Variants in POU2F1 observed in about 807,000 individuals in gnomAD.
POU2F1 encodes the protein POU class 2 homeobox 1.
Under a neutral mutation model 84.9 loss-of-function variants are expected in POU2F1, and 16 were observed. The ratio of observed to expected loss-of-function variants is 0.19; its 90% CI spans 0.13 to 0.29. The LOEUF (loss-of-function observed/expected upper bound fraction) is 0.29. POU2F1 is among the 10% of genes least tolerant of loss of function. The probability of loss-of-function intolerance (pLI) is 1.00; values close to 1 mark genes in which losing one functional copy is unlikely to be tolerated. For synonymous variants in POU2F1, 368 were observed against 368.3 expected (o/e 1.00, Z 0.01); for missense variants, 738 against 942.6 (o/e 0.78, Z 2.84).
At chr1:167,312,480 T>C (rs1655566205) in intron 1 of POU2F1, among the ~76,000 whole-genome samples, 1 of 152,142 alleles carries the variant, frequency 6.6e-6, no homozygotes, top group African/African-American at 2.4e-5. Flanking sequence ...TCTGCCTGCC[T>C]CAGCTTCCCA....
In POU2F1 at chr1:167,267,630, C is replaced by CTTTTTTTTTTT. The variant is rs71073658; in HGVS notation, c.61+46687_61+46697dup. On this transcript the variant is annotated intron_variant, in intron 1 of 15. Coordinates refer to ENST00000367866, the MANE Select transcript of POU2F1 (RefSeq NM_002697.4). ...TGTGAAAGTATCACAGTTACTGTGT[C>CTTTTTTTTTTT]TTTTTTTTTTTTTTTTTTTTTTTTT... is the stretch of plus-strand genomic sequence containing the variant. Among the ~76,000 whole-genome samples the CTTTTTTTTTTT allele has an allele frequency of 4.4e-4, 31 of 70,484 alleles. 4 individuals are homozygous for CTTTTTTTTTTT. Among genetic ancestry groups the CTTTTTTTTTTT allele is most frequent in the African/African-American group, 1.0e-3 (19 of 18,362 alleles). 46.2% of individuals were successfully genotyped at this position (70,484 alleles called of 152,430 possible). A position where few individuals can be genotyped will look rare whatever the true frequency, so the allele number is the denominator to read the frequency against.
intron 13 of POU2F1, among the ~76,000 whole-genome samples, chr1:167,403,550 A>G (rs1195569250): frequency 3.3e-5 from 5 of 152,174 alleles, no homozygotes; most frequent in African/African-American, 1.2e-4. Flanking sequence ...TTTCTTGTAC[A>G]GCCTCTTTTC....
chr1:167,396,323 A>G lies in POU2F1; in HGVS notation c.1025A>G (p.Asn342Ser), dbSNP rs751031108. 1.9e-6 allele frequency: 3 copies of G among 1,614,134 alleles called. No homozygotes were observed. Among genetic ancestry groups the G allele is most frequent in the South Asian group, 1.1e-5 (1 of 91,084 alleles). ...CTCGCTATGGGGAAACTATATGGAA[A>G]TGACTTCAGCCAAACTACCATCTCT... Reference protein sequence around the residue: ...VGLAMGKLYGNDFSQTTISRF... With the variant: ...VGLAMGKLYGSDFSQTTISRF... The change falls in exon 10 of 16, where the codon AAT becomes AGT. Residue 342 changes from asparagine (N) to serine (S), a missense_variant. Asn to Ser is a conservative substitution (Grantham distance 46). Transcript: ENST00000367866.
At chr1:167,238,976 T>C (rs1383449000) in intron 1 of POU2F1, among the ~76,000 whole-genome samples, 1 of 152,164 alleles carries the variant, frequency 6.6e-6, no homozygotes, top group Non-Finnish European at 1.5e-5. Context: ...AGGCTCCCCT[T>C]TCCTATTCTG....
chr1:167,396,017 A>G (rs1054630566), intron 9 of POU2F1, among the ~76,000 whole-genome samples: 1 of 152,236 alleles, frequency 6.6e-6, no homozygotes, highest in Non-Finnish European at 1.5e-5. Context: ...TGGTATCTCC[A>G]TGATTACATA....
At chr1:167,254,526 C>G (rs1268882843) in intron 1 of POU2F1, among the ~76,000 whole-genome samples, 2 of 152,156 alleles carry the variant, frequency 1.3e-5, no homozygotes, top group African/African-American at 4.8e-5. Context: ...TATCTTAATT[C>G]TTACTGCATA....
rs746617630 is a variant in POU2F1, at chr1:167,280,205, AC to A, written c.62-52264del. Among the ~76,000 whole-genome samples the A allele has an allele frequency of 7.0e-3, 1,063 of 151,178 alleles. 6 individuals are homozygous for A. Among genetic ancestry groups the A allele is most frequent in the Middle Eastern group, 0.014 (4 of 292 alleles). On this transcript the variant is annotated intron_variant, in intron 1 of 15. Coordinates refer to ENST00000367866, the MANE Select transcript of POU2F1 (RefSeq NM_002697.4). ...TCTGTCTCGGGGAAAAAAAAAAAAA[AC>A]TTATTGTAAATGTGTGATATCAGAA... is the stretch of plus-strand genomic sequence containing the variant.
At chr1:167,390,300 G>T (rs1648305555) in intron 9 of POU2F1, among the ~76,000 whole-genome samples, 1 of 152,134 alleles carries the variant, frequency 6.6e-6, no homozygotes, top group Non-Finnish European at 1.5e-5. Context: ...ATTTCTTTCA[G>T]AACACAGGCC....
At chr1:167,377,070 A>G (rs73024284) in intron 7 of POU2F1, among the ~76,000 whole-genome samples, 2,145 of 152,306 alleles carry the variant, frequency 0.014, 51 homozygotes, top group African/African-American at 0.048. Context: ...AATGAACAGC[A>G]TTTGCAAACC....
intron 2 of POU2F1, among the ~76,000 whole-genome samples, chr1:167,363,583 AAAT>A (rs1659480603): frequency 1.3e-5 from 2 of 152,214 alleles, no homozygotes; most frequent in Non-Finnish European, 2.9e-5. Flanking sequence ...TTGTGGAAAA[AAAT>A]AAAAAATAAA....
chr1:167,342,747 T>C (rs1300292121), intron 2 of POU2F1, among the ~76,000 whole-genome samples: 1 of 152,230 alleles, frequency 6.6e-6, no homozygotes, highest in Non-Finnish European at 1.5e-5. Context: ...GAACTTACGT[T>C]TATCCAGAGG....
Position 167,229,953 on chromosome 1 carries a change from T to A in POU2F1, c.61+8995T>A, listed in dbSNP as rs78222497. The stretch of plus-strand genomic sequence containing the variant: ...CCTATGCATTATTATCTTTACTACT[T>A]CCTTAAATAGCATGACTCAACAATT... On this transcript the variant is annotated intron_variant, in intron 1 of 15. Coordinates refer to ENST00000367866, the MANE Select transcript of POU2F1 (RefSeq NM_002697.4). Among the ~76,000 whole-genome samples, 795 of 152,304 alleles carry A rather than the reference T, an allele frequency of 5.2e-3. 10 individuals are homozygous for A. The highest frequency in any genetic ancestry group is 0.018 in the African/African-American group (731 of 41,556).
At chr1:167,336,943 A>T (rs1451354615) in intron 2 of POU2F1, among the ~76,000 whole-genome samples, 1 of 152,134 alleles carries the variant, frequency 6.6e-6, no homozygotes, top group Non-Finnish European at 1.5e-5. Context: ...AGGTGGGCGG[A>T]TCACCTGAGG....
chr1:167,370,407 A>G (rs1161053113), intron 4 of POU2F1, among the ~76,000 whole-genome samples, 193 bp downstream of exon 4: 1 of 152,204 alleles, frequency 6.6e-6, no homozygotes, highest in Admixed American at 6.5e-5. Context: ...GCTACTGTGC[A>G]TGAACCAAAA....
At chr1:167,375,978 C>T (rs778063485) in intron 6 of POU2F1, 51 bp from the exon 7 acceptor site, 34 of 1,604,836 alleles carry the variant, frequency 2.1e-5, no homozygotes, top group Non-Finnish European at 2.8e-5. Flanking sequence ...TATAATTAAG[C>T]GAACTTTTAT....
At position 167,412,253 on chromosome 1, in the gene POU2F1, C is replaced by G; in HGVS notation, c.1850C>G (p.Ala617Gly). 1.3e-6 allele frequency: 2 copies of G among 1,589,516 alleles called. No homozygotes were observed. Among genetic ancestry groups the G allele is most frequent in the South Asian group, 2.3e-5 (2 of 88,024 alleles). Reference sequence around the variant, plus strand: ...AATGCCAGTCTTGCTGCCATGGCAGCTGCTGCAGGACTAAACCCAAGCCTG... The same window carrying G: ...AATGCCAGTCTTGCTGCCATGGCAGGTGCTGCAGGACTAAACCCAAGCCTG... ...PANASLAAMA[A>G]AAGLNPSLMA... Residue 617 changes from alanine to glycine, a missense_variant, in exon 14 of 16, where the codon GCT (alanine) becomes GGT (glycine). Physicochemically the swap from Ala to Gly is moderately conservative, Grantham distance 60. Transcript: ENST00000367866.
intron 2 of POU2F1, among the ~76,000 whole-genome samples, chr1:167,335,305 T>A (rs938926452): frequency 6.6e-6 from 1 of 152,164 alleles, no homozygotes; most frequent in African/African-American, 2.4e-5. Context: ...TGGTAAATAA[T>A]TCAAGAGGAG....
At chr1:167,233,912 C>T (rs1288997178) in intron 1 of POU2F1, among the ~76,000 whole-genome samples, 1 of 152,142 alleles carries the variant, frequency 6.6e-6, no homozygotes, top group Non-Finnish European at 1.5e-5. Flanking sequence ...GTCTTTGTGC[C>T]AGTTGTTGTA....
chr1:167,397,718 G>A (rs1046997746), intron 10 of POU2F1, among the ~76,000 whole-genome samples: 1 of 151,996 alleles, frequency 6.6e-6, no homozygotes, highest in Non-Finnish European at 1.5e-5. Context: ...GCTAATTTTT[G>A]TATTTTTGGT....
Sources: gnomAD v4.1 joint callset for allele counts (sites outside exome capture counted in the v4.1 genomes callset) on GRCh38, gnomAD v4.1.1 for gene constraint, MANE v1.5 for transcripts, NCBI Gene and HGNC (gene_info 2026-07-23, HGNC 2026-07-21) for gene names.